The following SPATA16 variants were observed in gnomAD, a reference collection of about 807,000 sequenced individuals.
SPATA16 encodes the protein spermatogenesis associated 16, also known as spermatogenesis-associated protein 16.
Under a neutral mutation model 63.3 loss-of-function variants are expected in SPATA16, and 36 were observed. The observed-to-expected ratio is 0.57, with a 90% CI of 0.44 to 0.75. The LOEUF is 0.75. SPATA16 is among the 30% of genes least tolerant of loss of function. The pLI, the probability that SPATA16 is intolerant of heterozygous loss-of-function variation, is 0.00. For synonymous variants in SPATA16, 203 were observed against 216.7 expected (o/e 0.94, Z 0.56); for missense variants, 646 against 679.3 (o/e 0.95, Z 0.54).
intron 3 of SPATA16, among the ~76,000 whole-genome samples, chr3:173,041,093 T>TG (rs1320479330): frequency 4.6e-5 from 7 of 152,118 alleles, no homozygotes; most frequent in Non-Finnish European, 1.0e-4. Flanking sequence ...GGATTTATTT[T>TG]GGGGGGAATA....
At chr3:172,977,121 G>A (rs1734180565) in intron 4 of SPATA16, 69 bp from the exon 5 acceptor site, 1 of 1,232,254 alleles carries the variant, frequency 8.1e-7, no homozygotes, top group Non-Finnish European at 1.2e-6. Context: ...ACCATAACAG[G>A]CACTATATAC....
rs148274390 is a variant in SPATA16 at position 172,910,661 on chromosome 3, G to A, written c.1587+3000C>T. Among the ~76,000 whole-genome samples the A allele has an allele frequency of 5.7e-3, 864 of 151,996 alleles. 9 individuals are homozygous for A. The highest frequency in any genetic ancestry group is 0.018 in the African/African-American group (758 of 41,462). ...ATTGCTTGAGTCTCATGAGGACCAC[G>A]TTTGGCTGCTCTATCTCTAATTCCT... On this transcript the variant is annotated intron_variant, in intron 10 of 10. Transcript: ENST00000351008.
intron 6 of SPATA16, among the ~76,000 whole-genome samples, chr3:172,955,329 A>G (rs1733543561): frequency 6.6e-6 from 1 of 152,116 alleles, no homozygotes; most frequent in South Asian, 2.1e-4. Flanking sequence ...AATCGAACTC[A>G]TTTTTCCATA....
chr3:173,028,363 T>C lies in SPATA16; in HGVS notation c.759-8788A>G, dbSNP rs548385739. ...GCATCATTTCGTAGATTATAACCAA[T>C]TGAATAACTGATTAATGCTATGTAA... On this transcript the variant is annotated intron_variant, in intron 3 of 10. Coordinates refer to ENST00000351008, the MANE Select transcript of SPATA16 (RefSeq NM_031955.6). Among the ~76,000 whole-genome samples the C allele has an allele frequency of 2.6e-5, 4 of 151,950 alleles. No individual in the cohort carries two copies. The South Asian group carries it at 8.3e-4, about 31-fold the overall frequency.
intron 10 of SPATA16, among the ~76,000 whole-genome samples, chr3:172,893,592 G>A (rs1045609647): frequency 3.3e-5 from 5 of 152,210 alleles, no homozygotes; most frequent in South Asian, 2.1e-4. Flanking sequence ...TAACTACTAA[G>A]CCATAAAGTG....
At chr3:172,968,867 AC>A (rs1246545314) in intron 5 of SPATA16, among the ~76,000 whole-genome samples, 2 of 152,264 alleles carry the variant, frequency 1.3e-5, no homozygotes, top group Admixed American at 6.5e-5. Context: ...AACCATGGAA[AC>A]ATATCATTAA....
chr3:172,926,789 G>A (rs1050382026), intron 6 of SPATA16, among the ~76,000 whole-genome samples: 1 of 152,150 alleles, frequency 6.6e-6, no homozygotes, highest in Non-Finnish European at 1.5e-5. Context: ...GGGACCTGGA[G>A]GCAAGATTCA....
chr3:172,989,220 T>C (rs953221371), intron 4 of SPATA16, among the ~76,000 whole-genome samples: 20 of 152,152 alleles, frequency 1.3e-4, no homozygotes, highest in African/African-American at 4.8e-4. Flanking sequence ...AGTGTATCCA[T>C]TCTGTATCTA....
At chr3:173,027,409 T>C (rs1448247327) in intron 3 of SPATA16, among the ~76,000 whole-genome samples, 1 of 152,044 alleles carries the variant, frequency 6.6e-6, no homozygotes, top group East Asian at 1.9e-4. Context: ...TTGTTTATTT[T>C]CTTTGCCCTA....
intron 6 of SPATA16, among the ~76,000 whole-genome samples, chr3:172,952,217 A>C (rs887578809): frequency 2.0e-5 from 3 of 152,156 alleles, no homozygotes; most frequent in African/African-American, 7.2e-5. Flanking sequence ...ATGAGTGTTT[A>C]TTTGATCGAG....
chr3:172,960,887 C>CTTTCTTTCTTTCTTTCTT (rs1177756966), intron 5 of SPATA16, among the ~76,000 whole-genome samples: 2 of 62,336 alleles, frequency 3.2e-5, no homozygotes, highest in East Asian at 3.9e-4. Context: ...CTTTCTTTCT[C>CTTTCTTTCTTTCTTTCTT]TCTCTCCTTC....
At chr3:173,120,563 G>T (rs1316885654) in intron 1 of SPATA16, among the ~76,000 whole-genome samples, 1 of 152,162 alleles carries the variant, frequency 6.6e-6, no homozygotes, top group Non-Finnish European at 1.5e-5. Flanking sequence ...GTAGTTGATT[G>T]TCATTAGTAA....
At chr3:173,061,626 C>T (rs1012664983) in intron 2 of SPATA16, among the ~76,000 whole-genome samples, 1 of 152,110 alleles carries the variant, frequency 6.6e-6, no homozygotes, top group Non-Finnish European at 1.5e-5. Flanking sequence ...TAATAGTTTT[C>T]AATTTCAATA....
At chr3:172,940,198 G>A (rs1733112750) in intron 6 of SPATA16, among the ~76,000 whole-genome samples, 3 of 152,114 alleles carry the variant, frequency 2.0e-5, no homozygotes, top group Admixed American at 2.0e-4. Context: ...TGAGCTCAGC[G>A]AACAAATTAC....
intron 6 of SPATA16, among the ~76,000 whole-genome samples, chr3:172,938,192 C>T (rs1186238215): frequency 6.6e-6 from 1 of 152,188 alleles, no homozygotes; most frequent in Non-Finnish European, 1.5e-5. Flanking sequence ...AGCTTCCCTT[C>T]ATGGGTCTTA....
intron 4 of SPATA16, among the ~76,000 whole-genome samples, chr3:173,016,648 G>C (rs1735195410): frequency 6.6e-6 from 1 of 152,150 alleles, no homozygotes; most frequent in Non-Finnish European, 1.5e-5. Flanking sequence ...CTTTACCAAT[G>C]AATTTTGACA....
intron 6 of SPATA16, among the ~76,000 whole-genome samples, chr3:172,956,338 A>G (rs1476840172): frequency 2.0e-5 from 3 of 152,112 alleles, no homozygotes; most frequent in Non-Finnish European, 4.4e-5. Context: ...CATCTGCAGG[A>G]AAATACTATA....
chr3:172,941,168 A>T (rs987640699), intron 6 of SPATA16, among the ~76,000 whole-genome samples: 2 of 152,192 alleles, frequency 1.3e-5, no homozygotes, highest in African/African-American at 4.8e-5. Flanking sequence ...AGACAAAGAC[A>T]TGGAGAACAT....
In SPATA16 at chr3:173,093,070, C is replaced by T. The variant is rs987569775; in HGVS notation, c.612+24050G>A. On this transcript the variant is annotated intron_variant, in intron 2 of 10. Coordinates refer to ENST00000351008, the MANE Select transcript of SPATA16 (RefSeq NM_031955.6). ...ACACACACACACACACACACACACA[C>T]ACACACATATATATATATATGTTTC... is the stretch of plus-strand genomic sequence containing the variant. Among the ~76,000 whole-genome samples, 351 of 137,890 alleles carry T rather than the reference C, an allele frequency of 2.5e-3. 1 individual carries two copies. Among genetic ancestry groups the T allele is most frequent in the East Asian group, 5.5e-3 (25 of 4,570 alleles). The allele number at this position is 137,890 out of a possible 152,430, so 90.5% of individuals were successfully genotyped here.
Sources: gnomAD v4.1 joint callset for allele counts (sites outside exome capture counted in the v4.1 genomes callset) on GRCh38, gnomAD v4.1.1 for gene constraint, MANE v1.5 for transcripts, NCBI Gene and HGNC (gene_info 2026-07-23, HGNC 2026-07-21) for gene names.